Variants in TAFA1 observed in about 807,000 individuals in gnomAD.
TAFA1 encodes the protein TAFA chemokine like family member 1.
TAFA1 carries 4 observed loss-of-function variants against 18.5 expected under a neutral mutation model. That is an observed-to-expected ratio of 0.22 (90% CI 0.11 to 0.49). The LOEUF is 0.49. Among genes scored for constraint, TAFA1 ranks in the 20% least tolerant of loss-of-function variants. The pLI is 0.98. For missense variants in TAFA1, 147 were observed against 169.0 expected (o/e 0.87, Z 0.72); for synonymous variants, 56 against 55.2 (o/e 1.01, Z -0.06).
chr3:68,338,135 G>T lies in TAFA1; in HGVS notation c.119-79145G>T, dbSNP rs570710520. On this transcript the variant is annotated intron_variant, in intron 2 of 4. Transcript: ENST00000478136. ...GGACTACCTGCTATGGATCTTTCATGCCTGTTGTTAACAACACTTGGATGA... is the reference window on the plus strand; with the variant it reads ...GGACTACCTGCTATGGATCTTTCATTCCTGTTGTTAACAACACTTGGATGA... Among the ~76,000 whole-genome samples the T allele has an allele frequency of 2.0e-5, 3 of 152,276 alleles. No homozygotes were observed. In the South Asian group the frequency reaches 6.2e-4, roughly 32 times the overall value.
At chr3:68,323,933 G>T (rs1344530892) in intron 2 of TAFA1, among the ~76,000 whole-genome samples, 2 of 152,130 alleles carry the variant, frequency 1.3e-5, no homozygotes. Flanking sequence ...AATACCAGAA[G>T]AAGGGCACCT....
intron 3 of TAFA1, among the ~76,000 whole-genome samples, chr3:68,497,792 T>C (rs547550704): frequency 5.9e-5 from 9 of 152,306 alleles, no homozygotes; most frequent in African/African-American, 1.9e-4. Context: ...TTTGTGTTTG[T>C]TCATTTGTTT....
At chr3:68,362,403 G>T (rs891898967) in intron 2 of TAFA1, among the ~76,000 whole-genome samples, 7 of 152,126 alleles carry the variant, frequency 4.6e-5, no homozygotes, top group Admixed American at 2.6e-4. Flanking sequence ...CATTCTCACG[G>T]ACTGAAGACG....
intron 3 of TAFA1, among the ~76,000 whole-genome samples, chr3:68,433,073 T>C (rs2071208335): frequency 6.6e-6 from 1 of 152,092 alleles, no homozygotes; most frequent in Non-Finnish European, 1.5e-5. Context: ...CGTTTGGATT[T>C]CTCAAAGACA....
At chr3:68,310,023 T>G (rs779093715) in intron 2 of TAFA1, among the ~76,000 whole-genome samples, 8 of 152,220 alleles carry the variant, frequency 5.3e-5, no homozygotes, top group African/African-American at 1.4e-4. Context: ...AGTTTATGAT[T>G]AATTTATCAA....
chr3:68,449,194 C>G (rs1042567202), intron 3 of TAFA1, among the ~76,000 whole-genome samples: 26 of 152,086 alleles, frequency 1.7e-4, no homozygotes, highest in Non-Finnish European at 1.8e-4. Context: ...AGGCGGTGTA[C>G]CAAGCCTTGA....
At chr3:68,492,954 A>T (rs563954235) in intron 3 of TAFA1, among the ~76,000 whole-genome samples, 12 of 152,310 alleles carry the variant, frequency 7.9e-5, no homozygotes, top group Admixed American at 1.3e-4. Flanking sequence ...ATCTTTAGGG[A>T]AAAGAACCAG....
At chr3:68,476,110 C>T (rs1217105276) in intron 3 of TAFA1, among the ~76,000 whole-genome samples, 1 of 152,092 alleles carries the variant, frequency 6.6e-6, no homozygotes, top group Non-Finnish European at 1.5e-5. Flanking sequence ...TAGACATGGG[C>T]AAGGACTTCA....
intron 2 of TAFA1, among the ~76,000 whole-genome samples, chr3:68,206,329 T>C (rs1004293985): frequency 5.3e-5 from 8 of 151,866 alleles, no homozygotes; most frequent in Non-Finnish European, 1.2e-4. Context: ...GATAATAGCA[T>C]GTTGACAGCC....
intron 2 of TAFA1, among the ~76,000 whole-genome samples, chr3:68,111,780 A>AGAGAGAGAGAG (rs377007942): frequency 2.1e-5 from 3 of 145,938 alleles, no homozygotes; most frequent in Admixed American, 1.3e-4. Context: ...ACACATGAGA[A>AGAGAGAGAGAG]AGAGAGAGAG....
At chr3:68,308,741 CACAGAGAA>C (rs2068465328) in intron 2 of TAFA1, among the ~76,000 whole-genome samples, 1 of 151,970 alleles carries the variant, frequency 6.6e-6, no homozygotes, top group Admixed American at 6.6e-5. Flanking sequence ...TTATTAATGA[CACAGAGAA>C]AGAGATGCTA....
rs144317657 is a variant in TAFA1, at chr3:68,327,565, A to T, written c.119-89715A>T. Among the ~76,000 whole-genome samples the T allele has an allele frequency of 4.7e-3, 715 of 152,278 alleles. 6 individuals are homozygous for T. The highest frequency in any genetic ancestry group is 0.016 in the African/African-American group (669 of 41,566). ...AACATCTCTAAGCTTCAATTCTTTT[A>T]TCAGTAAAATTGAGCTAACAATATT... On this transcript the variant is annotated intron_variant, in intron 2 of 4. Coordinates refer to ENST00000478136, the MANE Select transcript of TAFA1 (RefSeq NM_213609.4).
intron 2 of TAFA1, among the ~76,000 whole-genome samples, chr3:68,367,623 G>A (rs1477661190): frequency 6.6e-6 from 1 of 152,130 alleles, no homozygotes; most frequent in African/African-American, 2.4e-5. Flanking sequence ...TTGTGATTCA[G>A]TGGTACACAA....
At chr3:68,080,807 C>T (rs540717116) in intron 2 of TAFA1, among the ~76,000 whole-genome samples, 2,270 of 152,210 alleles carry the variant, frequency 0.015, 62 homozygotes, top group African/African-American at 0.051. Context: ...TTGGTCTTCT[C>T]GAGGAGTACC....
chr3:68,081,976 G>A lies in TAFA1; in HGVS notation c.118+75232G>A, dbSNP rs191161269. Among the ~76,000 whole-genome samples, 423 of 152,334 alleles carry A rather than the reference G, an allele frequency of 2.8e-3. 3 individuals carry two copies. Among genetic ancestry groups the A allele is most frequent in the African/African-American group, 9.6e-3 (399 of 41,584 alleles). On this transcript the variant is annotated intron_variant, in intron 2 of 4. Coordinates refer to ENST00000478136, the MANE Select transcript of TAFA1 (RefSeq NM_213609.4). ...TAGCAATCAGTGAGACTCCATGGGC[G>A]TAGGACCCTCTGAGCCAGGTGCAGG...
intron 2 of TAFA1, among the ~76,000 whole-genome samples, chr3:68,017,263 C>T (rs1337271638): frequency 1.3e-5 from 2 of 152,164 alleles, no homozygotes; most frequent in Non-Finnish European, 2.9e-5. Flanking sequence ...CAAGATGCCA[C>T]CTACTGGACA....
chr3:68,214,967 A>C (rs898621071), intron 2 of TAFA1, among the ~76,000 whole-genome samples: 1 of 151,978 alleles, frequency 6.6e-6, no homozygotes, highest in East Asian at 1.9e-4. Context: ...TAGAGGTTGT[A>C]TATACTGTTG....
chr3:68,130,236 T>TA (rs2065520421), intron 2 of TAFA1, among the ~76,000 whole-genome samples: 3 of 152,174 alleles, frequency 2.0e-5, no homozygotes. Context: ...TACCTAAAAT[T>TA]ATTTTTTGAA....
At chr3:68,283,172 C>A (rs1054857813) in intron 2 of TAFA1, among the ~76,000 whole-genome samples, 23 of 151,996 alleles carry the variant, frequency 1.5e-4, no homozygotes, top group African/African-American at 4.8e-4. Flanking sequence ...ATAAGTAAAC[C>A]CTGCACACAA....
Sources: allele counts gnomAD v4.1 joint callset (sites outside exome capture counted in the v4.1 genomes callset), GRCh38; gene constraint gnomAD v4.1.1; transcripts MANE v1.5; gene names NCBI Gene and HGNC (gene_info 2026-07-23, HGNC 2026-07-21).